The following KBTBD12 variants were observed in gnomAD, a reference collection of about 807,000 sequenced individuals.
The protein encoded by KBTBD12 is kelch repeat and BTB domain-containing protein 12.
KBTBD12 carries 53 observed loss-of-function variants against 58.7 expected under a neutral mutation model. The observed-to-expected ratio is 0.90, with a 90% confidence interval of 0.72 to 1.14. The LOEUF is 1.14. Among genes scored for constraint, KBTBD12 ranks in the 50% most tolerant of loss-of-function variants. The probability of loss-of-function intolerance (pLI) is 0.00; values close to 1 mark genes in which losing one functional copy is unlikely to be tolerated. For missense variants in KBTBD12, 704 were observed against 751.3 expected, an observed-to-expected ratio of 0.94 and a Z score of 0.74; for synonymous variants, 236 against 259.8, an observed-to-expected ratio of 0.91 and a Z score of 0.88.
At chr3:127,972,101 C>G (rs1940693680) in intron 5 of KBTBD12, among the ~76,000 whole-genome samples, 1 of 152,174 alleles carries the variant, frequency 6.6e-6, no homozygotes, top group Non-Finnish European at 1.5e-5. Context: ...TGACAGTTAC[C>G]TGGTTACCCT....
intron 5 of KBTBD12, among the ~76,000 whole-genome samples, chr3:127,976,574 C>T (rs576845902): frequency 6.6e-6 from 1 of 152,158 alleles, no homozygotes; most frequent in East Asian, 1.9e-4. Flanking sequence ...GTCTCTCTGC[C>T]CCTTGCTGGC....
chr3:127,966,962 T>A (rs900386169), intron 5 of KBTBD12, among the ~76,000 whole-genome samples: 1 of 152,244 alleles, frequency 6.6e-6, no homozygotes, highest in Admixed American at 6.5e-5. Flanking sequence ...TAAATTTCTA[T>A]GGGAAAATTA....
In KBTBD12 at chr3:127,984,298, C is replaced by G. The variant is rs1307481859; in HGVS notation, c.*20C>G. ...CACTAAGGTGACCTTGCTGGAGGAC[C>G]TCCTGCTGTTCTGCAAACAAGGCCT... On this transcript the variant is annotated 3_prime_UTR_variant, in exon 6 of 6. Coordinates refer to ENST00000405109, the MANE Select transcript of KBTBD12 (RefSeq NM_207335.4). 2.5e-6 allele frequency: 4 copies of G among 1,607,586 alleles called. No individual in the cohort carries two copies. Among genetic ancestry groups the G allele is most frequent in the Non-Finnish European group, 3.4e-6 (4 of 1,176,636 alleles).
rs781283893 is a variant in KBTBD12, at chr3:127,927,987, G to A, written c.1294G>A (p.Val432Met). The stretch of plus-strand genomic sequence containing the variant: ...ACTGCAATTGGCATGTCATGCTGTA[G>A]TGACAGTGAATAATAAACTTTATGT... ...LPLQLACHAV[V>M]TVNNKLYVIG... The change falls in exon 3 of 6, where the codon GTG becomes ATG. Residue 432 changes from valine to methionine, a missense_variant. Transcript: ENST00000405109. The A allele has an allele frequency of 1.4e-5, 22 of 1,613,380 alleles. No individual in the cohort carries two copies. The highest frequency in any genetic ancestry group is 1.9e-5 in the Non-Finnish European group (22 of 1,179,634).
chr3:127,942,507 A>T (rs553100133), intron 4 of KBTBD12, among the ~76,000 whole-genome samples: 3 of 152,042 alleles, frequency 2.0e-5, no homozygotes, highest in African/African-American at 7.2e-5. Context: ...TCTCATTTTT[A>T]AAGGCTGAAT....
chr3:127,964,910 G>C, intron 5 of KBTBD12, among the ~76,000 whole-genome samples: 1 of 152,106 alleles, frequency 6.6e-6, no homozygotes, highest in East Asian at 1.9e-4. Context: ...ATCTATCATA[G>C]TAGTAAGAAA....
chr3:127,926,264 T>C (rs1219152667), intron 2 of KBTBD12, among the ~76,000 whole-genome samples: 2 of 152,196 alleles, frequency 1.3e-5, no homozygotes, highest in Non-Finnish European at 2.9e-5. Flanking sequence ...TTTCTAACCT[T>C]TATGGGATGT....
chr3:127,943,465 A>G (rs185643796), intron 4 of KBTBD12, among the ~76,000 whole-genome samples: 2 of 152,012 alleles, frequency 1.3e-5, no homozygotes, highest in Admixed American at 6.5e-5. Context: ...GGGCATTTGT[A>G]TATCTTTTTT....
intron 5 of KBTBD12, among the ~76,000 whole-genome samples, chr3:127,976,168 C>CGGTT (rs1381970256): frequency 1.1e-4 from 16 of 152,182 alleles, no homozygotes; most frequent in African/African-American, 3.6e-4. Flanking sequence ...TATTTTCTTA[C>CGGTT]ATAAACACGG....
Position 127,923,697 on chromosome 3 carries a change from T to G in KBTBD12, c.636T>G (p.His212Gln), listed in dbSNP as rs769390188. 7 of 1,613,742 alleles carry G rather than the reference T, an allele frequency of 4.3e-6. No individual in the cohort carries two copies. The highest frequency in any genetic ancestry group is 8.5e-7 in the Non-Finnish European group (1 of 1,179,826). ...VNHNKELRTVHLVELLKQVRL... is the reference protein window; with the variant it reads ...VNHNKELRTVQLVELLKQVRL... ...ATAACAAAGAATTGCGTACAGTGCA[T>G]CTTGTTGAGCTTTTGAAGCAAGTCA... Residue 212 changes from histidine to glutamine, a missense_variant, in exon 2 of 6, where the codon CAT becomes CAG. By Grantham distance (24) the His-to-Gln change is conservative. Transcript: ENST00000405109.
At position 127,985,270 on chromosome 3, in the gene KBTBD12, C is replaced by T. The variant is rs761320303; in HGVS notation, c.*992C>T. The T allele has an allele frequency of 1.3e-5, 2 of 152,398 alleles. No homozygotes were observed. The highest frequency in any genetic ancestry group is 2.9e-5 in the Non-Finnish European group (2 of 68,180). 9.4% of individuals were successfully genotyped at this position (152,398 alleles called of 1,614,324 possible). A position where few individuals can be genotyped will look rare whatever the true frequency, so the allele number is the denominator to read the frequency against. On this transcript the variant is annotated 3_prime_UTR_variant, in exon 6 of 6. Coordinates refer to ENST00000405109, the MANE Select transcript of KBTBD12 (RefSeq NM_207335.4). ...AGCATCTCCTCCAGCTGCTGCCAAC[C>T]CCATGGCCCGGCCTTTGCAATAAAG...
chr3:127,984,792 A>G lies in KBTBD12; in HGVS notation c.*514A>G, dbSNP rs1003347047. 1.3e-5 allele frequency: 2 copies of G among 152,692 alleles called. No individual in the cohort carries two copies. The highest frequency in any genetic ancestry group is 1.9e-4 in the East Asian group (1 of 5,196). 9.5% of individuals were successfully genotyped at this position (152,692 alleles called of 1,614,324 possible). On this transcript the variant is annotated 3_prime_UTR_variant, in exon 6 of 6. Transcript: ENST00000405109. ...AAAGTAGGTTGTAGCTAGATGACCA[A>G]CGCCTGAAAGAATGAGGAGTTGGAC... is the stretch of plus-strand genomic sequence containing the variant.
chr3:127,953,176 T>C (rs373033671), intron 4 of KBTBD12, among the ~76,000 whole-genome samples: 1 of 152,212 alleles, frequency 6.6e-6, no homozygotes, highest in Non-Finnish European at 1.5e-5. Flanking sequence ...ATAACAATCA[T>C]TATTGCTTAT....
intron 5 of KBTBD12, among the ~76,000 whole-genome samples, chr3:127,976,928 G>A (rs188990453): frequency 6.6e-6 from 1 of 152,258 alleles, no homozygotes; most frequent in African/African-American, 2.4e-5. Flanking sequence ...GTGTGTCACA[G>A]GAGTTTGGTG....
chr3:127,918,069 G>T (rs765302357), intron 1 of KBTBD12, among the ~76,000 whole-genome samples: 2 of 152,088 alleles, frequency 1.3e-5, no homozygotes, highest in African/African-American at 2.4e-5. Context: ...AATAAATTAG[G>T]CATAGTGGTG....
intron 4 of KBTBD12, among the ~76,000 whole-genome samples, chr3:127,939,842 A>G (rs1459691180): frequency 1.3e-5 from 2 of 152,194 alleles, no homozygotes; most frequent in Non-Finnish European, 2.9e-5. Context: ...AGAATGACCT[A>G]AAAATATTCT....
chr3:127,927,924 G>A lies in KBTBD12; in HGVS notation c.1231G>A (p.Val411Ile), dbSNP rs979214785. Reference sequence around the variant, plus strand: ...TACAAACTGTGTTGATAAGTACTCTGTAGAACGGGACAATTGGAAAAGGGT... The same window carrying A: ...TACAAACTGTGTTGATAAGTACTCTATAGAACGGGACAATTGGAAAAGGGT... ...LITNCVDKYS[V>I]ERDNWKRVSP... The change falls in exon 3 of 6, where the codon GTA becomes ATA. Residue 411 changes from valine to isoleucine, a missense_variant. Coordinates refer to ENST00000405109, the MANE Select transcript of KBTBD12 (RefSeq NM_207335.4). 1.2e-6 allele frequency: 2 copies of A among 1,613,422 alleles called. No individual in the cohort carries two copies. The highest frequency in any genetic ancestry group is 1.3e-5 in the African/African-American group (1 of 74,914).
intron 4 of KBTBD12, among the ~76,000 whole-genome samples, chr3:127,949,909 A>G (rs1940168790): frequency 6.6e-6 from 1 of 152,168 alleles, no homozygotes; most frequent in Admixed American, 6.5e-5. Context: ...CAAATTAGCT[A>G]ATTTTGACCT....
chr3:127,946,118 C>T (rs1940076514), intron 4 of KBTBD12, among the ~76,000 whole-genome samples: 1 of 152,188 alleles, frequency 6.6e-6, no homozygotes, highest in Admixed American at 6.5e-5. Flanking sequence ...ATTCCTTCCA[C>T]CCGTTGTACT....
Sources: allele counts gnomAD v4.1 joint callset (sites outside exome capture counted in the v4.1 genomes callset), GRCh38; gene constraint gnomAD v4.1.1; transcripts MANE v1.5; gene names NCBI Gene and HGNC (gene_info 2026-07-23, HGNC 2026-07-21).